Variants in ABCC1 observed in about 807,000 individuals in gnomAD.
The protein encoded by ABCC1 is ATP binding cassette subfamily C member 1 (ABCC1 blood group).
ABCC1 carries 83 observed loss-of-function variants against 172.9 expected under a neutral mutation model. The ratio of observed to expected loss-of-function variants is 0.48; its 90% confidence interval spans 0.40 to 0.58. ABCC1 has a LOEUF of 0.58. Among genes scored for constraint, ABCC1 ranks in the 20% least tolerant of loss-of-function variants. ABCC1 has a pLI of 0.00. For missense variants in ABCC1, 1,817 were observed against 2,002.7 expected (o/e 0.91, Z 1.77); for synonymous variants, 937 against 825.2 (o/e 1.14, Z -2.32).
intron 6 of ABCC1, 41 bp downstream of exon 6, chr16:16,033,211 G>A (rs2048618844): frequency 1.3e-6 from 2 of 1,559,622 alleles, no homozygotes; most frequent in Admixed American, 1.7e-5. Context: ...GTGGTGGGGA[G>A]TGAATGAATG....
Position 16,020,165 on chromosome 16 carries a change from G to A in ABCC1, c.615+3544G>A, listed in dbSNP as rs139349102. On this transcript the variant is annotated intron_variant, in intron 5 of 30. Coordinates refer to ENST00000399410, the MANE Select transcript of ABCC1 (RefSeq NM_004996.4). ...TCGATCTCCTGACTTCAAGTGATCCGCCCACTTTGGCCTCCCAAAGTGCTG... is the reference window on the plus strand; with the variant it reads ...TCGATCTCCTGACTTCAAGTGATCCACCCACTTTGGCCTCCCAAAGTGCTG... Among the ~76,000 whole-genome samples the A allele has an allele frequency of 9.1e-3, 1,388 of 152,202 alleles. 15 individuals carry two copies. The highest frequency in any genetic ancestry group is 0.032 in the African/African-American group (1,314 of 41,526).
At chr16:16,102,758 C>G in intron 20 of ABCC1, 41 bp downstream of exon 20, 4 of 1,539,932 alleles carry the variant, frequency 2.6e-6, no homozygotes, top group Non-Finnish European at 3.5e-6. Flanking sequence ...GGACCCTGCC[C>G]TGCCAGTGGG....
chr16:16,038,935 A>T (rs185449982), intron 7 of ABCC1, among the ~76,000 whole-genome samples: 1 of 152,194 alleles, frequency 6.6e-6, no homozygotes, highest in Admixed American at 6.5e-5. Context: ...TGGGAGGAGG[A>T]CAGAGTTTGA....
rs2048619970 is a variant in ABCC1 at position 16,033,224 on chromosome 16, T to C, written c.677+54T>C. 78 of 1,523,556 alleles carry C rather than the reference T, an allele frequency of 5.1e-5. 1 individual carries two copies. In the South Asian group the frequency reaches 8.5e-4, roughly 17 times the overall value. The allele number at this position is 1,523,556 out of a possible 1,614,324, so 94.4% of individuals were successfully genotyped here. On this transcript the variant is annotated intron_variant, in intron 6 of 30. Transcript: ENST00000399410. ...AGGTGGTGGGGAGTGAATGAATGAA[T>C]GAATGAACGAATGAACATGCTCAGC...
chr16:16,107,479 A>G (rs895291551), intron 21 of ABCC1, among the ~76,000 whole-genome samples: 1 of 152,034 alleles, frequency 6.6e-6, no homozygotes, highest in African/African-American at 2.4e-5. Context: ...TAGTAGAGAC[A>G]GGGTTTCACC....
chr16:16,065,175 A>T (rs1189594045), intron 12 of ABCC1, among the ~76,000 whole-genome samples: 2 of 152,202 alleles, frequency 1.3e-5, no homozygotes, highest in Non-Finnish European at 2.9e-5. Flanking sequence ...CAGGGAAGGG[A>T]CTTTACAAAT....
At chr16:16,056,544 C>T in intron 12 of ABCC1, 2 of 524,606 alleles carry the variant, frequency 3.8e-6, no homozygotes, top group Non-Finnish European at 6.8e-6. Flanking sequence ...TGGCGCATGC[C>T]TGTAGTCCCA....
At chr16:16,134,189 C>T (rs1185561709) in intron 27 of ABCC1, among the ~76,000 whole-genome samples, 161 bp from the exon 28 acceptor site, 6 of 152,106 alleles carry the variant, frequency 3.9e-5, no homozygotes, top group Non-Finnish European at 8.8e-5. Context: ...CCGAAACACC[C>T]TTAAAGGAGT....
Position 15,986,617 on chromosome 16 carries a change from T to C in ABCC1, c.49-21199T>C, listed in dbSNP as rs114905111. 1.8e-3 allele frequency among the ~76,000 whole-genome samples: 275 copies of C among 152,320 alleles called. 1 individual carries two copies. The highest frequency in any genetic ancestry group is 6.5e-3 in the African/African-American group (272 of 41,576). On this transcript the variant is annotated intron_variant, in intron 1 of 30. Transcript: ENST00000399410. ...CACCCCCCGCCATCCCTGGCAAAAC[T>C]GTCTTCCATGAAATCCATCCCTGGT... is the stretch of plus-strand genomic sequence containing the variant.
chr16:16,048,065 T>A, intron 9 of ABCC1, 77 bp from the exon 10 acceptor site: 1 of 1,527,522 alleles, frequency 6.5e-7, no homozygotes, highest in Non-Finnish European at 9.0e-7. Context: ...GTCTCCTTCC[T>A]CTCCGTGGGT....
At chr16:16,055,954 GAAA>G (rs4148345) in intron 11 of ABCC1, 135 bp from the exon 12 acceptor site, 1 of 654,448 alleles carries the variant, frequency 1.5e-6, no homozygotes. Flanking sequence ...CTATTGAAAA[GAAA>G]AAAAAAAATC....
At chr16:15,990,576 G>A (rs908240114) in intron 1 of ABCC1, among the ~76,000 whole-genome samples, 5 of 151,986 alleles carry the variant, frequency 3.3e-5, no homozygotes, top group Non-Finnish European at 5.9e-5. Context: ...TGCAGTGTTC[G>A]TCTTCCTGTG....
At chr16:16,108,788 A>C (rs564405185) in intron 21 of ABCC1, among the ~76,000 whole-genome samples, 1 of 151,552 alleles carries the variant, frequency 6.6e-6, no homozygotes, top group Non-Finnish European at 1.5e-5. Flanking sequence ...TGTGGAGATG[A>C]GGTTTCGCCC....
Position 16,087,005 on chromosome 16 carries a change from G to A in ABCC1, c.2460+14G>A. 6.2e-7 allele frequency: 1 copy of A among 1,613,936 alleles called. No homozygotes were observed. The highest frequency in any genetic ancestry group is 1.1e-5 in the South Asian group (1 of 91,074). On this transcript the variant is annotated intron_variant, in intron 18 of 30. Transcript: ENST00000399410. Reference sequence around the variant, plus strand: ...CTGAAGAACAAGGTGCCTGCTGGCGGGGTGGGGCTTGGTGTTGGGCCGTCT... The same window carrying A: ...CTGAAGAACAAGGTGCCTGCTGGCGAGGTGGGGCTTGGTGTTGGGCCGTCT...
chr16:15,985,919 C>T (rs1486537539), intron 1 of ABCC1, among the ~76,000 whole-genome samples: 1 of 152,032 alleles, frequency 6.6e-6, no homozygotes, highest in African/African-American at 2.4e-5. Flanking sequence ...ACCTGTCTTC[C>T]TCAATTCGTG....
At chr16:16,052,658 G>A (rs2049478051) in intron 10 of ABCC1, 66 bp from the exon 11 acceptor site, 7 of 1,512,352 alleles carry the variant, frequency 4.6e-6, no homozygotes, top group Non-Finnish European at 6.4e-6. Context: ...ATCAACCGGG[G>A]AAGCTGTTAC....
At chr16:16,103,842 T>A (rs1472801637) in intron 20 of ABCC1, among the ~76,000 whole-genome samples, 1 of 152,148 alleles carries the variant, frequency 6.6e-6, no homozygotes, top group Non-Finnish European at 1.5e-5. Context: ...TGGGTCTTGG[T>A]CTCACTGACT....
chr16:16,079,318 G>T (rs2050712398), intron 15 of ABCC1, 34 bp from the exon 16 acceptor site: 1 of 1,609,690 alleles, frequency 6.2e-7, no homozygotes, highest in Non-Finnish European at 8.5e-7. Flanking sequence ...GCCTCATTCA[G>T]CGTGGCTGAG....
Position 16,115,082 on chromosome 16 carries a change from G to A in ABCC1, c.3390+6G>A. The stretch of plus-strand genomic sequence containing the variant: ...TCATCTACTTCTTCGTCCAGGTAAG[G>A]GGTGAGGTCTTAGTGTTCGGGACAA... On this transcript the variant is annotated splice_donor_region_variant and intron_variant, in intron 23 of 30. Coordinates refer to ENST00000399410, the MANE Select transcript of ABCC1 (RefSeq NM_004996.4). The A allele has an allele frequency of 6.2e-7, 1 of 1,612,680 alleles. No homozygotes were observed. Among genetic ancestry groups the A allele is most frequent in the Non-Finnish European group, 8.5e-7 (1 of 1,178,828 alleles).
Sources: gnomAD v4.1 joint callset for allele counts (sites outside exome capture counted in the v4.1 genomes callset) on GRCh38, gnomAD v4.1.1 for gene constraint, MANE v1.5 for transcripts, NCBI Gene and HGNC (gene_info 2026-07-23, HGNC 2026-07-21) for gene names.